IL1R1: variants seen among roughly 807,000 people sequenced by gnomAD.
The protein encoded by IL1R1 is interleukin-1 receptor type 1.
In IL1R1, 22 loss-of-function variants were observed where a neutral mutation model predicts 50.2. That is an observed-to-expected ratio of 0.44 (90% CI 0.31 to 0.63). The LOEUF is 0.63. IL1R1 is among the 20% of genes least tolerant of loss of function. The pLI is 0.07. For synonymous variants in IL1R1, 251 were observed against 236.7 expected, an observed-to-expected ratio of 1.06 and a Z score of -0.55; for missense variants, 509 against 676.2, an observed-to-expected ratio of 0.75 and a Z score of 2.74.
intron 1 of IL1R1, among the ~76,000 whole-genome samples, chr2:102,149,389 C>A (rs1683449826): frequency 6.6e-6 from 1 of 152,128 alleles, no homozygotes; most frequent in African/African-American, 2.4e-5. Flanking sequence ...ATGTCAGGTC[C>A]CTGGAAGAAG....
intron 11 of IL1R1, 70 bp from the exon 12 acceptor site, chr2:102,176,283 T>A: frequency 1.4e-6 from 2 of 1,384,334 alleles, no homozygotes; most frequent in Non-Finnish European, 2.0e-6. Flanking sequence ...AAGCCTTGTG[T>A]GGCTTTGGTT....
intron 1 of IL1R1, among the ~76,000 whole-genome samples, chr2:102,125,918 G>C (rs1486415265): frequency 6.6e-6 from 1 of 152,106 alleles, no homozygotes; most frequent in Non-Finnish European, 1.5e-5. Flanking sequence ...CCATTGACGA[G>C]GAGTGGAATA....
At chr2:102,139,101 A>G (rs1682501506), upstream of IL1R1, among the ~76,000 whole-genome samples, 1 of 152,110 alleles carries the variant, frequency 6.6e-6, no homozygotes, top group Non-Finnish European at 1.5e-5. Flanking sequence ...GCTAAAGTGG[A>G]CCGAGCTGAA....
chr2:102,089,646 G>A (rs555259664), intron 1 of IL1R1, among the ~76,000 whole-genome samples: 1 of 152,230 alleles, frequency 6.6e-6, no homozygotes, highest in South Asian at 2.1e-4. Context: ...ATAAAGCAAA[G>A]TGAAATAAAA....
intron 1 of IL1R1, among the ~76,000 whole-genome samples, chr2:102,113,496 C>T (rs963791651): frequency 6.6e-6 from 1 of 152,204 alleles, no homozygotes; most frequent in Non-Finnish European, 1.5e-5. Context: ...CCAAAGCATT[C>T]CAAAGCCATG....
chr2:102,107,885 C>T (rs771800721), intron 1 of IL1R1, among the ~76,000 whole-genome samples: 89 of 152,054 alleles, frequency 5.9e-4, no homozygotes, highest in African/African-American at 8.2e-4. Flanking sequence ...GCTGAGAGAG[C>T]GAGAGAACTG....
intron 7 of IL1R1, among the ~76,000 whole-genome samples, chr2:102,170,529 A>G (rs900174088): frequency 3.9e-5 from 6 of 152,244 alleles, no homozygotes; most frequent in Non-Finnish European, 7.3e-5. Flanking sequence ...TTAATTCTGT[A>G]TAAATTAGTC....
intron 7 of IL1R1, among the ~76,000 whole-genome samples, chr2:102,169,605 G>T (rs1685497668): frequency 6.6e-6 from 1 of 152,224 alleles, no homozygotes; most frequent in Admixed American, 6.5e-5. Flanking sequence ...CTCTGTAATA[G>T]TAACTGCATG....
chr2:102,094,847 G>A (rs528646237), intron 1 of IL1R1, among the ~76,000 whole-genome samples: 7 of 151,960 alleles, frequency 4.6e-5, no homozygotes, highest in Non-Finnish European at 1.0e-4. Flanking sequence ...ACATATATGT[G>A]CATATATGTA....
intron 1 of IL1R1, among the ~76,000 whole-genome samples, chr2:102,079,247 T>C (rs1443714270): frequency 6.6e-6 from 1 of 152,090 alleles, no homozygotes; most frequent in African/African-American, 2.4e-5. Flanking sequence ...TATTCAACAT[T>C]GTACTAAGAA....
intron 1 of IL1R1, chr2:102,070,572 TG>T (rs1233282380): frequency 6.6e-6 from 1 of 152,224 alleles, no homozygotes; most frequent in Non-Finnish European, 1.5e-5. Context: ...TCCTTGGGCC[TG>T]TAGTTTGTGA....
intron 2 of IL1R1, chr2:102,156,209 C>G (rs3771202): frequency 0.83 from 127,331 of 152,676 alleles, 53,530 homozygotes; most frequent in African/African-American, 0.94. Flanking sequence ...GGCTTCAAAG[C>G]CTTCTATCTT....
chr2:102,140,590 A>C (rs188414529), upstream of IL1R1, among the ~76,000 whole-genome samples: 22 of 152,362 alleles, frequency 1.4e-4, no homozygotes. Context: ...TAGGCTTTAC[A>C]CTAAAGCATG....
At chr2:102,115,697 G>C (rs191711812) in intron 1 of IL1R1, among the ~76,000 whole-genome samples, 182 of 152,204 alleles carry the variant, frequency 1.2e-3, no homozygotes, top group Middle Eastern at 6.8e-3. Context: ...GGCCTTGGAG[G>C]GGGGAGAAGG....
chr2:102,176,543 A>T lies in IL1R1; in HGVS notation c.1494A>T (p.Lys498Asn), dbSNP rs202119907. 1.8e-5 allele frequency: 29 copies of T among 1,614,086 alleles called. No individual in the cohort carries two copies. The highest frequency in any genetic ancestry group is 2.4e-5 in the Non-Finnish European group (28 of 1,180,032). ...LELEKIQDYE[K>N]MPESIKFIKQ... ...TGGAGAAAATCCAAGACTATGAGAA[A>T]ATGCCAGAATCGATTAAATTCATTA... Residue 498 changes from lysine to asparagine, a missense_variant, in exon 12 of 12, where the codon AAA becomes AAT. Physicochemically the swap from Lys to Asn is moderately conservative, Grantham distance 94. Coordinates refer to ENST00000410023, the MANE Select transcript of IL1R1 (RefSeq NM_000877.4).
chr2:102,080,365 C>T (rs748282568), intron 1 of IL1R1, among the ~76,000 whole-genome samples: 2 of 152,108 alleles, frequency 1.3e-5, no homozygotes, highest in Non-Finnish European at 2.9e-5. Context: ...ATGCACAAAT[C>T]TCTGATAAAT....
At chr2:102,139,223 T>A (rs1023641845), upstream of IL1R1, among the ~76,000 whole-genome samples, 1 of 152,178 alleles carries the variant, frequency 6.6e-6, no homozygotes, top group Non-Finnish European at 1.5e-5. Flanking sequence ...CAAGGGCTCT[T>A]TGGTCTTCTT....
intron 1 of IL1R1, among the ~76,000 whole-genome samples, chr2:102,078,728 G>A (rs1031497482): frequency 6.6e-6 from 1 of 152,052 alleles, no homozygotes; most frequent in Non-Finnish European, 1.5e-5. Flanking sequence ...AGGGACACTT[G>A]CGAATTCATC....
intron 1 of IL1R1, among the ~76,000 whole-genome samples, chr2:102,078,314 T>C (rs1420066158): frequency 6.6e-6 from 1 of 151,986 alleles, no homozygotes; most frequent in Non-Finnish European, 1.5e-5. Flanking sequence ...TGGCAAAGCA[T>C]TCACTGGACT....
Sources: gnomAD v4.1 joint callset for allele counts (sites outside exome capture counted in the v4.1 genomes callset) on GRCh38, gnomAD v4.1.1 for gene constraint, MANE v1.5 for transcripts, NCBI Gene and HGNC (gene_info 2026-07-23, HGNC 2026-07-21) for gene names.